The following GAS2 variants were observed in gnomAD, a reference collection of about 807,000 sequenced individuals.
GAS2 encodes growth arrest specific 2.
A neutral mutation model predicts 37.5 loss-of-function variants in GAS2; 20 were observed. That is an observed-to-expected ratio of 0.53 (90% CI 0.37 to 0.77). GAS2 has a LOEUF of 0.77. GAS2 is among the 30% of genes least tolerant of loss of function. The pLI is 0.00. For synonymous variants in GAS2, 144 were observed against 132.2 expected, an observed-to-expected ratio of 1.09 and a Z score of -0.61; for missense variants, 336 against 373.4, an observed-to-expected ratio of 0.90 and a Z score of 0.82.
chr11:22,740,755 C>T (rs1446468221), intron 5 of GAS2, among the ~76,000 whole-genome samples: 4 of 152,104 alleles, frequency 2.6e-5, no homozygotes, highest in East Asian at 1.9e-4. Flanking sequence ...CTAAATTTTG[C>T]CTTACATACA....
chr11:22,726,731 G>A (rs1163557358), intron 4 of GAS2, among the ~76,000 whole-genome samples: 1 of 152,050 alleles, frequency 6.6e-6, no homozygotes, highest in Non-Finnish European at 1.5e-5. Flanking sequence ...CAAAATTGTG[G>A]ATATTTGGAA....
At chr11:22,792,389 G>C (rs1856209248) in intron 7 of GAS2, among the ~76,000 whole-genome samples, 1 of 152,116 alleles carries the variant, frequency 6.6e-6, no homozygotes, top group African/African-American at 2.4e-5. Flanking sequence ...ACATATGAAA[G>C]ACTTTAGGAA....
At chr11:22,681,841 G>GA (rs1849697119) in intron 2 of GAS2, among the ~76,000 whole-genome samples, 1 of 145,036 alleles carries the variant, frequency 6.9e-6, no homozygotes, top group South Asian at 2.2e-4. Flanking sequence ...ATATTTTTTT[G>GA]AAAAAAATAC....
chr11:22,638,398 T>A (rs1233915348), intron 1 of GAS2, among the ~76,000 whole-genome samples: 3 of 151,444 alleles, frequency 2.0e-5, no homozygotes, highest in African/African-American at 7.3e-5. Context: ...CAGGCTGGAG[T>A]GCAGTGGCGT....
Position 22,791,266 on chromosome 11 carries a change from G to T in GAS2, c.724-20532G>T, listed in dbSNP as rs184089242. On this transcript the variant is annotated intron_variant, in intron 7 of 7. Transcript: ENST00000454584. ...AGAGGGGATGGGGGTGTCTCTAAATGGAGAAATAGACAAAAATAAAATATA... is the reference window on the plus strand; with the variant it reads ...AGAGGGGATGGGGGTGTCTCTAAATTGAGAAATAGACAAAAATAAAATATA... Among the ~76,000 whole-genome samples the T allele has an allele frequency of 3.3e-5, 5 of 152,136 alleles. No individual in the cohort carries two copies. In the East Asian group the frequency reaches 7.7e-4, roughly 24 times the overall value.
At chr11:22,697,794 T>C (rs337466) in intron 3 of GAS2, among the ~76,000 whole-genome samples, 32,925 of 152,120 alleles carry the variant, frequency 0.22, 4,020 homozygotes, top group East Asian at 0.41. Context: ...ACATTGATTT[T>C]GTATCCTGAG....
rs181692854 is a variant in GAS2, at chr11:22,766,624, C to G, written c.723+10671C>G. Among the ~76,000 whole-genome samples, 20 of 152,202 alleles carry G rather than the reference C, an allele frequency of 1.3e-4. No homozygotes were observed. In the East Asian group the frequency reaches 3.5e-3, roughly 26 times the overall value. Reference sequence around the variant, plus strand: ...TAGAGTCAAAAAACAAAAAAGCACCCAGGAAACAGAATCTTACAAAACAGC... The same window carrying G: ...TAGAGTCAAAAAACAAAAAAGCACCGAGGAAACAGAATCTTACAAAACAGC... On this transcript the variant is annotated intron_variant, in intron 7 of 7. Coordinates refer to ENST00000454584, the MANE Select transcript of GAS2 (RefSeq NM_001143830.3).
Position 22,643,142 on chromosome 11 carries a change from G to A in GAS2, c.-21+17329G>A, listed in dbSNP as rs75492234. 2.7e-3 allele frequency among the ~76,000 whole-genome samples: 413 copies of A among 151,918 alleles called. 5 individuals are homozygous for A. Among genetic ancestry groups the A allele is most frequent in the African/African-American group, 9.5e-3 (395 of 41,474 alleles). Reference sequence around the variant, plus strand: ...TATAAAAAGCCTCCAGCTTTGGGTTGGCTGGTTTTATTAATTCATGAGCTT... The same window carrying A: ...TATAAAAAGCCTCCAGCTTTGGGTTAGCTGGTTTTATTAATTCATGAGCTT... On this transcript the variant is annotated intron_variant, in intron 1 of 5. Transcript: ENST00000528582.
intron 1 of GAS2, among the ~76,000 whole-genome samples, chr11:22,641,510 G>A (rs1382339490): frequency 2.8e-5 from 4 of 145,116 alleles, no homozygotes; most frequent in Admixed American, 1.4e-4. Flanking sequence ...CACACCCCAC[G>A]ACAGGCCCTT....
At chr11:22,782,610 G>T (rs371794424) in intron 7 of GAS2, among the ~76,000 whole-genome samples, 1 of 151,136 alleles carries the variant, frequency 6.6e-6, no homozygotes, top group African/African-American at 2.4e-5. Flanking sequence ...TCATCTTTAT[G>T]TCCACATGTA....
intron 7 of GAS2, among the ~76,000 whole-genome samples, chr11:22,786,716 C>G (rs892922106): frequency 6.6e-6 from 1 of 152,078 alleles, no homozygotes; most frequent in Non-Finnish European, 1.5e-5. Context: ...AAATTGACCA[C>G]AAAAGTAGAT....
chr11:22,700,116 A>C (rs1850754204), intron 3 of GAS2, among the ~76,000 whole-genome samples: 1 of 152,062 alleles, frequency 6.6e-6, no homozygotes. Flanking sequence ...TGTTGTACTT[A>C]GTTGTTTCCT....
intron 3 of GAS2, among the ~76,000 whole-genome samples, chr11:22,716,135 C>G (rs1301981229): frequency 6.6e-6 from 1 of 152,134 alleles, no homozygotes; most frequent in Non-Finnish European, 1.5e-5. Context: ...TGGCAATAAT[C>G]CAGCATCCCT....
chr11:22,762,659 G>A (rs1324175137), intron 7 of GAS2, among the ~76,000 whole-genome samples: 1 of 152,026 alleles, frequency 6.6e-6, no homozygotes, highest in African/African-American at 2.4e-5. Flanking sequence ...GCATTCAATT[G>A]CATAATCAAT....
intron 1 of GAS2, among the ~76,000 whole-genome samples, chr11:22,646,428 C>T (rs1035159716): frequency 6.6e-6 from 1 of 152,168 alleles, no homozygotes; most frequent in Admixed American, 6.6e-5. Flanking sequence ...TTAGAGTACA[C>T]CAAATCTAGC....
intron 7 of GAS2, 136 bp downstream of exon 7, chr11:22,756,089 G>T: frequency 1.6e-6 from 1 of 614,882 alleles, no homozygotes; most frequent in Non-Finnish European, 2.8e-6. Flanking sequence ...TTTTTTTAAA[G>T]TAACATACAT....
intron 6 of GAS2, among the ~76,000 whole-genome samples, chr11:22,750,421 C>T (rs541356619): frequency 5.3e-5 from 8 of 152,042 alleles, no homozygotes; most frequent in African/African-American, 1.7e-4. Flanking sequence ...GATTAAGAAC[C>T]CTCATTTCTG....
intron 3 of GAS2, among the ~76,000 whole-genome samples, chr11:22,691,503 T>G (rs1850244736): frequency 6.6e-6 from 1 of 152,182 alleles, no homozygotes; most frequent in South Asian, 2.1e-4. Context: ...ATAAAAGGTT[T>G]TGTATGAAAA....
chr11:22,673,728 G>A lies in GAS2; in HGVS notation c.-20-1122G>A, dbSNP rs186307893. ...TAAAGACCAGCCTGGCCAACATGGC[G>A]AAACCCCATCTCTACTAAAAAATAC... On this transcript the variant is annotated intron_variant, in intron 1 of 7. Transcript: ENST00000454584. 3.7e-4 allele frequency among the ~76,000 whole-genome samples: 56 copies of A among 152,168 alleles called. No individual in the cohort carries two copies. In the East Asian group the frequency reaches 4.6e-3, roughly 13 times the overall value.
Sources: allele counts gnomAD v4.1 joint callset (sites outside exome capture counted in the v4.1 genomes callset), GRCh38; gene constraint gnomAD v4.1.1; transcripts MANE v1.5; gene names NCBI Gene and HGNC (gene_info 2026-07-23, HGNC 2026-07-21).